Variants in ADAP1 observed in about 807,000 individuals in gnomAD.
The protein encoded by ADAP1 is ArfGAP with dual PH domains 1.
ADAP1 carries 31 observed loss-of-function variants against 54.9 expected under a neutral mutation model. That is an observed-to-expected ratio of 0.56 (90% CI 0.42 to 0.76). The LOEUF is 0.76. ADAP1 is among the 30% of genes least tolerant of loss of function. The pLI is 0.00. For missense variants in ADAP1, 535 were observed against 512.4 expected, an observed-to-expected ratio of 1.04 and a Z score of -0.42; for synonymous variants, 313 against 202.6, an observed-to-expected ratio of 1.55 and a Z score of -4.63.
intron 1 of ADAP1, among the ~76,000 whole-genome samples, chr7:951,387 AT>A (rs1207633614): frequency 5.4e-5 from 8 of 148,618 alleles, no homozygotes; most frequent in Non-Finnish European, 1.0e-4. Context: ...AAAAAAAAAA[AT>A]ATCCAACCTA....
At chr7:906,599 GGGAGAAAGGGAGAAA>G (rs1333784129) in intron 4 of ADAP1, among the ~76,000 whole-genome samples, 1 of 1,536 alleles carries the variant, frequency 6.5e-4, no homozygotes, top group African/African-American at 2.0e-3. Flanking sequence ...GAAAGGAGAA[GGGAGAAAGGGAGAAA>G]GGGAAAGGAG....
In ADAP1 at chr7:954,481, C is replaced by T; in HGVS notation, c.-4G>A. On this transcript the variant is annotated 5_prime_UTR_variant, in exon 1 of 11. Coordinates refer to ENST00000265846, the MANE Select transcript of ADAP1 (RefSeq NM_006869.4). ...CCCTGCGCCGCTCCTTGGCCATGGC[C>T]GCGATGCGCCCGCGATGCCGATGCC... 2.9e-6 allele frequency: 3 copies of T among 1,026,728 alleles called. No individual in the cohort carries two copies. Among genetic ancestry groups the T allele is most frequent in the East Asian group, 9.5e-5 (1 of 10,566 alleles). The allele number at this position is 1,026,728 out of a possible 1,614,324, so 63.6% of individuals were successfully genotyped here. A position where few individuals can be genotyped will look rare whatever the true frequency, so the allele number is the denominator to read the frequency against.
chr7:938,923 G>T lies in ADAP1; in HGVS notation c.83-3418C>A, dbSNP rs952909554. On this transcript the variant is annotated intron_variant, in intron 1 of 10. Transcript: ENST00000265846. This position sits in a 1 kb window ranked among gnomAD's most constrained non-coding sequence, Gnocchi z 4.4. ...ACCAACAGCTCCCGCCCAGCCCAGGGTCCAGAATGCCTGTGCCCACCTCCA... is the reference window on the plus strand; with the variant it reads ...ACCAACAGCTCCCGCCCAGCCCAGGTTCCAGAATGCCTGTGCCCACCTCCA... 6.6e-6 allele frequency among the ~76,000 whole-genome samples: 1 copy of T among 152,172 alleles called. No individual in the cohort carries two copies. Among genetic ancestry groups the T allele is most frequent in the Non-Finnish European group, 1.5e-5 (1 of 68,028 alleles).
chr7:898,898 C>G lies in ADAP1; in HGVS notation c.*23G>C. On this transcript the variant is annotated 3_prime_UTR_variant, in exon 11 of 11. Coordinates refer to ENST00000265846, the MANE Select transcript of ADAP1 (RefSeq NM_006869.4). ...CGTCCAGCCACAGTGAGTCCAATGT[C>G]CGTGGTCCTCCAGCCGCACTCGCTA... 6.3e-7 allele frequency: 1 copy of G among 1,587,556 alleles called. No homozygotes were observed. The highest frequency in any genetic ancestry group is 2.3e-5 in the East Asian group (1 of 42,962).
chr7:951,574 TA>T (rs34351612), intron 1 of ADAP1, among the ~76,000 whole-genome samples: 75 of 141,452 alleles, frequency 5.3e-4, no homozygotes, highest in African/African-American at 1.5e-3. Flanking sequence ...GAGACTGTCT[TA>T]AAAAAAAAAA....
rs1339724526 is a variant in ADAP1, at chr7:946,552, C to A, written c.82+7844G>T. 1.3e-5 allele frequency among the ~76,000 whole-genome samples: 2 copies of A among 152,084 alleles called. No homozygotes were observed. The highest frequency in any genetic ancestry group is 1.3e-4 in the Admixed American group (2 of 15,282). ...CCCCAAGGACCCCCCCAGGCTCTGCCCTGCCCCTGCCCTCCCACCCTCTCT... is the reference window on the plus strand; with the variant it reads ...CCCCAAGGACCCCCCCAGGCTCTGCACTGCCCCTGCCCTCCCACCCTCTCT... On this transcript the variant is annotated intron_variant, in intron 1 of 10. Coordinates refer to ENST00000265846, the MANE Select transcript of ADAP1 (RefSeq NM_006869.4). This position sits in a 1 kb window ranked among gnomAD's most constrained non-coding sequence, Gnocchi z 4.3.
chr7:942,793 T>G (rs372181223), intron 1 of ADAP1, among the ~76,000 whole-genome samples: 70 of 1,156 alleles, frequency 0.061, no homozygotes, highest in South Asian at 0.17. Flanking sequence ...GGAGAGAGGA[T>G]GAGGAAGGGA....
intron 5 of ADAP1, 91 bp from the exon 6 acceptor site, chr7:904,363 C>CACCTGCTGTGCTGTGT (rs1844984711): frequency 8.2e-6 from 12 of 1,464,994 alleles, no homozygotes; most frequent in Non-Finnish European, 9.1e-6. Flanking sequence ...GCTGGCGGCG[C>CACCTGCTGTGCTGTGT]ACCTGCTGTG....
intron 4 of ADAP1, among the ~76,000 whole-genome samples, chr7:909,659 G>A (rs886433754): frequency 2.6e-5 from 4 of 152,234 alleles, no homozygotes; most frequent in African/African-American, 7.2e-5. Flanking sequence ...CCAGTGAGAC[G>A]GGGCTTCTCC....
intron 4 of ADAP1, among the ~76,000 whole-genome samples, chr7:912,778 G>A (rs1212220644): frequency 3.3e-5 from 5 of 151,440 alleles, no homozygotes; most frequent in Non-Finnish European, 7.4e-5. Flanking sequence ...TCGGCTCCCT[G>A]CAACCTCCGC....
intron 4 of ADAP1, among the ~76,000 whole-genome samples, chr7:907,756 G>A (rs1288551382): frequency 6.6e-6 from 1 of 152,208 alleles, no homozygotes; most frequent in African/African-American, 2.4e-5. Flanking sequence ...GCCAGGCCTT[G>A]GGTCGCGTGC....
At chr7:912,616 G>T (rs1257928905) in intron 4 of ADAP1, among the ~76,000 whole-genome samples, 1 of 152,212 alleles carries the variant, frequency 6.6e-6, no homozygotes, top group Non-Finnish European at 1.5e-5. Flanking sequence ...AGCATCTTGG[G>T]GAGACACAGC....
intron 1 of ADAP1, among the ~76,000 whole-genome samples, chr7:939,820 G>C (rs1562935088): frequency 6.9e-6 from 1 of 144,798 alleles, no homozygotes; most frequent in African/African-American, 2.6e-5. Context: ...AACAGAGTGA[G>C]ACTTTGTCTC....
intron 1 of ADAP1, among the ~76,000 whole-genome samples, chr7:953,830 C>T (rs992063705): frequency 6.6e-6 from 1 of 152,352 alleles, no homozygotes. Flanking sequence ...GACCTGCGTC[C>T]GGCCCCACCT....
intron 4 of ADAP1, among the ~76,000 whole-genome samples, chr7:911,163 C>T (rs750726609): frequency 6.6e-6 from 1 of 152,190 alleles, no homozygotes; most frequent in African/African-American, 2.4e-5. Flanking sequence ...TCTCTCCAAA[C>T]AGCCAGGACA....
chr7:922,276 C>G (rs1846218024), intron 3 of ADAP1, among the ~76,000 whole-genome samples: 1 of 152,160 alleles, frequency 6.6e-6, no homozygotes, highest in South Asian at 2.1e-4. Flanking sequence ...TTCCAGGGCT[C>G]AGGGGAGCCA....
At position 954,391 on chromosome 7, in the gene ADAP1, C is replaced by G; in HGVS notation, c.82+5G>C. On this transcript the variant is annotated splice_donor_5th_base_variant and intron_variant, in intron 1 of 10. Transcript: ENST00000265846. The stretch of plus-strand genomic sequence containing the variant: ...CGGCCCCGCGCCCACCCGGCCCACA[C>G]CTACCCGGGGCGCCGCAGTCCGCGC... 8.9e-7 allele frequency: 1 copy of G among 1,120,688 alleles called. No homozygotes were observed. The highest frequency in any genetic ancestry group is 1.1e-6 in the Non-Finnish European group (1 of 907,806). The allele number at this position is 1,120,688 out of a possible 1,614,324, so 69.4% of individuals were successfully genotyped here.
At chr7:935,889 C>A (rs538870537) in intron 1 of ADAP1, among the ~76,000 whole-genome samples, 1 of 152,330 alleles carries the variant, frequency 6.6e-6, no homozygotes, top group African/African-American at 2.4e-5. Context: ...TGGGAGAAGT[C>A]TGTGGGCCCG....
chr7:901,558 G>A (rs1305794248), intron 6 of ADAP1, among the ~76,000 whole-genome samples: 1 of 152,198 alleles, frequency 6.6e-6, no homozygotes, highest in African/African-American at 2.4e-5. Flanking sequence ...GCACCAGCTG[G>A]AGGATGGTGT....
Sources: allele counts gnomAD v4.1 joint callset (sites outside exome capture counted in the v4.1 genomes callset), GRCh38; gene constraint gnomAD v4.1.1; non-coding constraint Gnocchi (gnomAD v3.1); transcripts MANE v1.5; gene names NCBI Gene and HGNC (gene_info 2026-07-23, HGNC 2026-07-21).